Variants in TAFA1 observed in about 807,000 individuals in gnomAD.
The protein encoded by TAFA1 is TAFA chemokine like family member 1, also known as chemokine-like protein TAFA-1.
In TAFA1, 4 loss-of-function variants were observed where a neutral mutation model predicts 18.5. The ratio of observed to expected loss-of-function variants is 0.22; its 90% confidence interval spans 0.11 to 0.49. The LOEUF (loss-of-function observed/expected upper bound fraction) is 0.49, where lower values mean the gene tolerates loss of function less well. Ranked by LOEUF, TAFA1 falls within the 20% of genes least tolerant of loss-of-function variation. The pLI, the probability that TAFA1 is intolerant of heterozygous loss-of-function variation, is 0.98. For missense variants in TAFA1, 147 were observed against 169.0 expected (o/e 0.87, Z 0.72); for synonymous variants, 56 against 55.2 (o/e 1.01, Z -0.06).
At chr3:68,134,067 GAAAA>G in intron 2 of TAFA1, among the ~76,000 whole-genome samples, 1 of 97,404 alleles carries the variant, frequency 1.0e-5, no homozygotes, top group Non-Finnish European at 2.2e-5. Flanking sequence ...ATGACAACTG[GAAAA>G]AAAAAAAAAA....
intron 2 of TAFA1, among the ~76,000 whole-genome samples, chr3:68,327,530 C>G (rs2068796768): frequency 6.6e-6 from 1 of 152,086 alleles, no homozygotes; most frequent in Non-Finnish European, 1.5e-5. Flanking sequence ...TGAAACTGGT[C>G]AAAATATGAA....
At chr3:68,496,124 T>C (rs945192054) in intron 3 of TAFA1, among the ~76,000 whole-genome samples, 1 of 150,674 alleles carries the variant, frequency 6.6e-6, no homozygotes, top group African/African-American at 2.5e-5. Flanking sequence ...GCAAGGAGGG[T>C]AGCAAGGCCT....
At chr3:68,167,678 A>G (rs1298549587) in intron 2 of TAFA1, among the ~76,000 whole-genome samples, 1 of 152,090 alleles carries the variant, frequency 6.6e-6, no homozygotes, top group Non-Finnish European at 1.5e-5. Context: ...CTGCATTTTT[A>G]AGGAATCTGC....
chr3:68,389,549 A>G (rs1378690552), intron 2 of TAFA1, among the ~76,000 whole-genome samples: 2 of 152,192 alleles, frequency 1.3e-5, no homozygotes, highest in East Asian at 3.9e-4. Flanking sequence ...TTTAAAAAGT[A>G]TCTATTGGTT....
intron 2 of TAFA1, among the ~76,000 whole-genome samples, chr3:68,366,264 T>C (rs1459416447): frequency 1.3e-5 from 2 of 152,032 alleles, no homozygotes; most frequent in Non-Finnish European, 2.9e-5. Context: ...CACAGCCCAA[T>C]AATATCAATG....
chr3:68,115,498 A>C (rs941469272), intron 2 of TAFA1, among the ~76,000 whole-genome samples: 2 of 152,218 alleles, frequency 1.3e-5, no homozygotes, highest in African/African-American at 2.4e-5. Context: ...ATACAGACCA[A>C]ATAATGAGCC....
Position 68,006,659 on chromosome 3 carries a change from G to A in TAFA1, c.33G>A (p.Leu11=). Residue 11 remains leucine (L), a synonymous_variant, in exon 2 of 5, where the codon CTG becomes CTA. Coordinates refer to ENST00000478136, the MANE Select transcript of TAFA1 (RefSeq NM_213609.4). ...TGGTCTCTGCGATGTCCTGGGTCCT[G>A]TATTTGTGGATAAGTGCTTGTGCAA... The part of the protein sequence containing the change: MAMVSAMSWV[L]YLWISACAML... 6.2e-7 allele frequency: 1 copy of A among 1,613,942 alleles called. No homozygotes were observed. The highest frequency in any genetic ancestry group is 8.5e-7 in the Non-Finnish European group (1 of 1,179,832).
chr3:68,455,089 TAGAGA>T (rs1450392983), intron 3 of TAFA1, among the ~76,000 whole-genome samples: 2 of 152,156 alleles, frequency 1.3e-5, no homozygotes, highest in African/African-American at 2.4e-5. Context: ...TCAAGTAAAC[TAGAGA>T]AAAGAAAATA....
intron 2 of TAFA1, among the ~76,000 whole-genome samples, chr3:68,160,068 A>G (rs1182848237): frequency 6.6e-6 from 1 of 152,206 alleles, no homozygotes; most frequent in Non-Finnish European, 1.5e-5. Context: ...CAGACTGAAT[A>G]AGTGTATAGT....
intron 2 of TAFA1, among the ~76,000 whole-genome samples, chr3:68,115,076 G>T (rs2065309212): frequency 6.6e-6 from 1 of 152,204 alleles, no homozygotes; most frequent in South Asian, 2.1e-4. Context: ...AAAAATGTCA[G>T]AACCCCTGGT....
chr3:68,276,174 A>C (rs1170196745), intron 2 of TAFA1, among the ~76,000 whole-genome samples: 1 of 152,044 alleles, frequency 6.6e-6, no homozygotes, highest in Non-Finnish European at 1.5e-5. Context: ...AAAAACCCAG[A>C]AGACAAAATA....
intron 3 of TAFA1, among the ~76,000 whole-genome samples, chr3:68,464,533 C>A (rs549173129): frequency 2.6e-5 from 4 of 152,084 alleles, no homozygotes; most frequent in Non-Finnish European, 5.9e-5. Context: ...CATCAGAAGC[C>A]CCTTCTGGTT....
At chr3:68,519,289 C>T (rs185167227) in intron 3 of TAFA1, among the ~76,000 whole-genome samples, 2 of 152,164 alleles carry the variant, frequency 1.3e-5, no homozygotes, top group African/African-American at 4.8e-5. Flanking sequence ...AATGAGAAGA[C>T]GTCATCTATA....
chr3:68,383,286 G>C (rs578006787), intron 2 of TAFA1, among the ~76,000 whole-genome samples: 1 of 151,840 alleles, frequency 6.6e-6, no homozygotes, highest in Admixed American at 6.6e-5. Flanking sequence ...AAATGTTCCA[G>C]CTTTTGCCAA....
intron 3 of TAFA1, among the ~76,000 whole-genome samples, chr3:68,537,961 AGTCTTCGAG>A (rs2073302181): frequency 6.6e-6 from 1 of 152,136 alleles, no homozygotes. Flanking sequence ...GGCTCCCTGA[AGTCTTCGAG>A]GTTAGGATTT....
At chr3:68,087,489 C>G (rs1392358549) in intron 2 of TAFA1, among the ~76,000 whole-genome samples, 1 of 151,508 alleles carries the variant, frequency 6.6e-6, no homozygotes, top group East Asian at 1.9e-4. Context: ...AGAAAATGTC[C>G]TCAGGATTTT....
At chr3:68,352,368 A>G (rs914734886) in intron 2 of TAFA1, among the ~76,000 whole-genome samples, 2 of 151,994 alleles carry the variant, frequency 1.3e-5, no homozygotes, top group Non-Finnish European at 2.9e-5. Flanking sequence ...TAGCTCCTAC[A>G]GCATCTTCAA....
intron 3 of TAFA1, among the ~76,000 whole-genome samples, chr3:68,478,820 T>C (rs2072154946): frequency 6.6e-6 from 1 of 152,002 alleles, no homozygotes. Flanking sequence ...ATTCTATATT[T>C]CTATATTATT....
intron 2 of TAFA1, among the ~76,000 whole-genome samples, chr3:68,401,025 G>T (rs570397297): frequency 1.3e-5 from 2 of 152,186 alleles, no homozygotes; most frequent in African/African-American, 4.8e-5. Context: ...ACAGCCAGGC[G>T]TTGTGCTGGA....
Sources: gnomAD v4.1 joint callset for allele counts (sites outside exome capture counted in the v4.1 genomes callset) on GRCh38, gnomAD v4.1.1 for gene constraint, MANE v1.5 for transcripts, NCBI Gene and HGNC (gene_info 2026-07-23, HGNC 2026-07-21) for gene names.